Variants in SPECC1 observed in about 807,000 individuals in gnomAD.
SPECC1 encodes the protein cytospin-B.
A neutral mutation model predicts 104.1 loss-of-function variants in SPECC1; 62 were observed. The ratio of observed to expected loss-of-function variants is 0.60; its 90% CI spans 0.49 to 0.74. The LOEUF (loss-of-function observed/expected upper bound fraction) is 0.74, where lower values mean the gene tolerates loss of function less well. SPECC1 is among the 30% of genes least tolerant of loss of function. The pLI, the probability that SPECC1 is intolerant of heterozygous loss-of-function variation, is 0.00. For missense variants in SPECC1, 1,306 were observed against 1,310.5 expected (o/e 1.00, Z 0.05); for synonymous variants, 513 against 501.6 (o/e 1.02, Z -0.30).
intron 3 of SPECC1, among the ~76,000 whole-genome samples, chr17:20,177,755 G>T (rs2034572290): frequency 6.6e-6 from 1 of 152,030 alleles, no homozygotes; most frequent in African/African-American, 2.4e-5. Context: ...TGTCGCCCAG[G>T]CTGGAGTGCA....
At position 20,071,673 on chromosome 17, in the gene SPECC1, C is replaced by T. The variant is rs529391453; in HGVS notation, c.-21-24958C>T. On this transcript the variant is annotated intron_variant, in intron 1 of 14. Transcript: ENST00000395527. Reference sequence around the variant, plus strand: ...TTGGGGGGCGACTGTAACTTTCTTACCAGGTTTATTTATAGATGCTATTGT... The same window carrying T: ...TTGGGGGGCGACTGTAACTTTCTTATCAGGTTTATTTATAGATGCTATTGT... 2.0e-5 allele frequency among the ~76,000 whole-genome samples: 3 copies of T among 152,108 alleles called. No homozygotes were observed. In the South Asian group the frequency reaches 6.2e-4, roughly 32 times the overall value.
chr17:20,293,069 T>TACATGTG (rs1279908456), intron 12 of SPECC1, among the ~76,000 whole-genome samples: 5 of 152,326 alleles, frequency 3.3e-5, no homozygotes, highest in African/African-American at 7.2e-5. Flanking sequence ...AGGTAAACCC[T>TACATGTG]ACATGTGACA....
At chr17:20,265,560 A>G (rs2040190472) in intron 12 of SPECC1, among the ~76,000 whole-genome samples, 1 of 152,166 alleles carries the variant, frequency 6.6e-6, no homozygotes, top group South Asian at 2.1e-4. Context: ...AACTCTGTTG[A>G]TAGCTTCTTT....
intron 12 of SPECC1, among the ~76,000 whole-genome samples, chr17:20,276,118 TCTC>T (rs1427146575): frequency 6.6e-6 from 1 of 152,184 alleles, no homozygotes. Flanking sequence ...TTTCCTTTCT[TCTC>T]TTTTTTTCCC....
At chr17:20,311,599 G>T (rs1310087367) in intron 14 of SPECC1, among the ~76,000 whole-genome samples, 1 of 151,990 alleles carries the variant, frequency 6.6e-6, no homozygotes, top group African/African-American at 2.4e-5. Flanking sequence ...CAACATGTTT[G>T]CCAGGCCTGC....
chr17:20,082,459 C>T (rs1015082379), intron 1 of SPECC1, among the ~76,000 whole-genome samples: 12 of 151,976 alleles, frequency 7.9e-5, no homozygotes, highest in African/African-American at 1.9e-4. Context: ...ATTAGCCAGG[C>T]GTGGTGGTGC....
At chr17:20,031,950 C>G (rs1437433234) in intron 1 of SPECC1, among the ~76,000 whole-genome samples, 1 of 152,202 alleles carries the variant, frequency 6.6e-6, no homozygotes, top group Non-Finnish European at 1.5e-5. Context: ...AATAATGCTG[C>G]TATGAACATG....
At chr17:20,255,928 AGTGCAGTGGC>A (rs1409565314) in intron 10 of SPECC1, among the ~76,000 whole-genome samples, 9 of 151,034 alleles carry the variant, frequency 6.0e-5, no homozygotes. Flanking sequence ...CCCAGGCTGG[AGTGCAGTGGC>A]GTGAGCTCGG....
At chr17:20,097,629 T>C (rs531318425) in intron 2 of SPECC1, among the ~76,000 whole-genome samples, 1 of 152,302 alleles carries the variant, frequency 6.6e-6, no homozygotes, top group South Asian at 2.1e-4. Flanking sequence ...CAGACACTCT[T>C]GGTGAAGTTC....
At chr17:20,235,828 G>T (rs571193831) in intron 7 of SPECC1, among the ~76,000 whole-genome samples, 2 of 152,094 alleles carry the variant, frequency 1.3e-5, no homozygotes, top group African/African-American at 2.4e-5. Flanking sequence ...TCTGTGATTC[G>T]AATGTGTTTC....
At position 20,314,950 on chromosome 17, in the gene SPECC1, C is replaced by T; in HGVS notation, c.*885C>T. 4.3e-6 allele frequency: 1 copy of T among 232,726 alleles called. No homozygotes were observed. Among genetic ancestry groups the T allele is most frequent in the Non-Finnish European group, 8.5e-6 (1 of 117,662 alleles). 14.4% of individuals were successfully genotyped at this position (232,726 alleles called of 1,614,324 possible). A position where few individuals can be genotyped will look rare whatever the true frequency, so the allele number is the denominator to read the frequency against. On this transcript the variant is annotated 3_prime_UTR_variant, in exon 15 of 15. Transcript: ENST00000395527. The stretch of plus-strand genomic sequence containing the variant: ...TGGGAGGTGCCCCACACCTCTGCCA[C>T]CAAAGTCTGTGTGCTCCTGAGCAGC...
intron 7 of SPECC1, chr17:20,237,130 T>C: frequency 7.2e-7 from 1 of 1,383,464 alleles, no homozygotes; most frequent in Admixed American, 3.0e-5. Flanking sequence ...CCTCAGAAGA[T>C]TGAGCTGTCT....
intron 12 of SPECC1, among the ~76,000 whole-genome samples, chr17:20,293,870 G>A (rs1469492905): frequency 2.0e-5 from 3 of 152,188 alleles, no homozygotes. Context: ...GCAGGTGGCC[G>A]ACAGGACTGA....
intron 3 of SPECC1, among the ~76,000 whole-genome samples, chr17:20,156,523 T>G (rs1041914744): frequency 7.2e-5 from 11 of 152,264 alleles, no homozygotes; most frequent in South Asian, 4.1e-4. Flanking sequence ...GCGCCTGGCC[T>G]GCGCCTAGAC....
intron 1 of SPECC1, among the ~76,000 whole-genome samples, chr17:20,063,879 C>T (rs996489588): frequency 5.9e-5 from 9 of 152,116 alleles, no homozygotes; most frequent in Admixed American, 1.3e-4. Context: ...TTAGAATAAA[C>T]GCTTTGAGAG....
At chr17:20,233,458 G>A (rs926582622) in intron 7 of SPECC1, among the ~76,000 whole-genome samples, 1 of 152,184 alleles carries the variant, frequency 6.6e-6, no homozygotes, top group Admixed American at 6.5e-5. Flanking sequence ...ACATAAAATG[G>A]CCTTTGGGGA....
At chr17:20,128,315 A>C (rs1388159706) in intron 3 of SPECC1, among the ~76,000 whole-genome samples, 1 of 152,230 alleles carries the variant, frequency 6.6e-6, no homozygotes. Context: ...AAGTTACATG[A>C]TAGTTGCATT....
At chr17:20,067,087 G>A (rs2046384908) in intron 1 of SPECC1, 1 of 151,704 alleles carries the variant, frequency 6.6e-6, no homozygotes. Flanking sequence ...ACTGTTACAT[G>A]TTCATAGTAG....
intron 1 of SPECC1, among the ~76,000 whole-genome samples, chr17:20,064,035 G>A (rs2046279213): frequency 6.6e-6 from 1 of 152,222 alleles, no homozygotes; most frequent in African/African-American, 2.4e-5. Context: ...TCTCTGGCTG[G>A]TGGCTGAGTA....
Sources: allele counts gnomAD v4.1 joint callset (sites outside exome capture counted in the v4.1 genomes callset), GRCh38; gene constraint gnomAD v4.1.1; transcripts MANE v1.5; gene names NCBI Gene and HGNC (gene_info 2026-07-23, HGNC 2026-07-21).